Variants in SKA1 observed in about 807,000 individuals in gnomAD.
SKA1 encodes the protein SKA complex subunit 1.
In SKA1, 20 loss-of-function variants were observed where a neutral mutation model predicts 31.8. The observed-to-expected ratio is 0.63, with a 90% CI of 0.44 to 0.91. The LOEUF (loss-of-function observed/expected upper bound fraction) is 0.91. Among genes scored for constraint, SKA1 ranks in the 40% least tolerant of loss-of-function variants. SKA1 has a pLI of 0.00. For missense variants in SKA1, 253 were observed against 298.2 expected, an observed-to-expected ratio of 0.85 and a Z score of 1.12; for synonymous variants, 88 against 100.5, an observed-to-expected ratio of 0.88 and a Z score of 0.74.
intron 4 of SKA1, among the ~76,000 whole-genome samples, chr18:50,384,383 G>A (rs534230416): frequency 1.1e-3 from 174 of 152,174 alleles, no homozygotes; most frequent in African/African-American, 4.0e-3. Context: ...TGGCAGTTAA[G>A]GAACCTAGAA....
chr18:50,386,446 A>G (rs1191971015), intron 5 of SKA1, among the ~76,000 whole-genome samples: 2 of 152,186 alleles, frequency 1.3e-5, no homozygotes, highest in Admixed American at 1.3e-4. Flanking sequence ...ATTTACAGAA[A>G]AATTGAGCAG....
At chr18:50,384,823 A>G (rs914312281) in intron 4 of SKA1, among the ~76,000 whole-genome samples, 1 of 122,714 alleles carries the variant, frequency 8.1e-6, no homozygotes, top group Admixed American at 8.1e-5. Context: ...AACCTGCACA[A>G]TGTGCACATG....
At chr18:50,376,168 A>G (rs2041213984) in intron 2 of SKA1, among the ~76,000 whole-genome samples, 1 of 152,240 alleles carries the variant, frequency 6.6e-6, no homozygotes, top group Non-Finnish European at 1.5e-5. Context: ...ACATAGGCCA[A>G]TGGTGAGATT....
chr18:50,388,862 C>T (rs2041332692), intron 5 of SKA1, among the ~76,000 whole-genome samples: 1 of 152,028 alleles, frequency 6.6e-6, no homozygotes, highest in Non-Finnish European at 1.5e-5. Context: ...GGAAGTAAAA[C>T]TCATGGAAGT....
intron 1 of SKA1, among the ~76,000 whole-genome samples, chr18:50,375,472 ATTTTTAAAAAATGTG>A: frequency 6.6e-6 from 1 of 152,342 alleles, no homozygotes; most frequent in East Asian, 1.9e-4. Flanking sequence ...AGTGTAACAC[ATTTTTAAAAAATGTG>A]TCCTTATTTT....
At chr18:50,384,896 A>G (rs2041294413) in intron 4 of SKA1, among the ~76,000 whole-genome samples, 2 of 131,684 alleles carry the variant, frequency 1.5e-5, no homozygotes, top group African/African-American at 7.6e-5. Flanking sequence ...AAAAAGGAAA[A>G]AAAAAAAAAA....
chr18:50,391,406 A>C lies in SKA1; in HGVS notation c.619+113A>C, dbSNP rs77575048. On this transcript the variant is annotated intron_variant, in intron 6 of 6. Coordinates refer to ENST00000285116, the MANE Select transcript of SKA1 (RefSeq NM_145060.4). ...AAATCTAGAGTGTTAATTCCCAACCAGGAGCAGTTATCCTACCAGGAGACA... is the reference window on the plus strand; with the variant it reads ...AAATCTAGAGTGTTAATTCCCAACCCGGAGCAGTTATCCTACCAGGAGACA... The C allele has an allele frequency of 2.1e-3, 2,199 of 1,059,542 alleles. 71 individuals carry two copies. In the East Asian group the frequency reaches 0.061, roughly 29 times the overall value. 65.6% of individuals were successfully genotyped at this position (1,059,542 alleles called of 1,614,324 possible).
intron 2 of SKA1, among the ~76,000 whole-genome samples, chr18:50,378,117 A>G (rs189060283): frequency 1.8e-4 from 28 of 152,342 alleles, no homozygotes; most frequent in African/African-American, 5.8e-4. Context: ...TAGATGTTTA[A>G]TAATGAGTCT....
intron 5 of SKA1, among the ~76,000 whole-genome samples, chr18:50,388,434 T>G (rs2041328543): frequency 6.6e-6 from 1 of 152,210 alleles, no homozygotes; most frequent in South Asian, 2.1e-4. Flanking sequence ...TTGGGTTTCC[T>G]TAGAAATTTT....
At position 50,384,335 on chromosome 18, in the gene SKA1, G is replaced by A. The variant is rs148296252; in HGVS notation, c.312-881G>A. Among the ~76,000 whole-genome samples, 478 of 152,122 alleles carry A rather than the reference G, an allele frequency of 3.1e-3. 7 individuals carry two copies. Among genetic ancestry groups the A allele is most frequent in the African/African-American group, 0.01 (420 of 41,470 alleles). The stretch of plus-strand genomic sequence containing the variant: ...CCTACTGTTTCTTATATCTGGTGTC[G>A]TCTTTCCTATGTCTTGACTTGCTGC... On this transcript the variant is annotated intron_variant, in intron 4 of 6. Transcript: ENST00000285116.
intron 5 of SKA1, among the ~76,000 whole-genome samples, chr18:50,388,942 C>A (rs2041333356): frequency 6.6e-6 from 1 of 152,128 alleles, no homozygotes; most frequent in Non-Finnish European, 1.5e-5. Context: ...TGAGCCTTAG[C>A]AGTTTGTCCG....
intron 2 of SKA1, among the ~76,000 whole-genome samples, chr18:50,377,875 A>G (rs2041232921): frequency 6.6e-6 from 1 of 151,762 alleles, no homozygotes; most frequent in South Asian, 2.1e-4. Flanking sequence ...TACATTTTAC[A>G]GTTTATGGTT....
At chr18:50,390,078 G>A (rs2041344549) in intron 5 of SKA1, among the ~76,000 whole-genome samples, 1 of 152,188 alleles carries the variant, frequency 6.6e-6, no homozygotes, top group Non-Finnish European at 1.5e-5. Context: ...AGGAAATCAA[G>A]GTGGTAGTTG....
At chr18:50,388,866 T>C (rs903624062) in intron 5 of SKA1, among the ~76,000 whole-genome samples, 2 of 151,964 alleles carry the variant, frequency 1.3e-5, no homozygotes, top group Non-Finnish European at 2.9e-5. Context: ...GTAAAACTCA[T>C]GGAAGTATGG....
In SKA1 at chr18:50,393,288, C is replaced by T. The variant is rs1050157354; in HGVS notation, c.*1041C>T. On this transcript the variant is annotated 3_prime_UTR_variant, in exon 7 of 7. Coordinates refer to ENST00000285116, the MANE Select transcript of SKA1 (RefSeq NM_145060.4). ...TCGTGCCACTGCACTCCAGTCTGGG[C>T]AACAGAGCGAGACTCCATCTCAGAA... The T allele has an allele frequency of 3.0e-4, 45 of 152,490 alleles. No individual in the cohort carries two copies. The highest frequency in any genetic ancestry group is 1.0e-3 in the African/African-American group (43 of 41,496). The allele number at this position is 152,490 out of a possible 1,614,324, so 9.4% of individuals were successfully genotyped here. A position where few individuals can be genotyped will look rare whatever the true frequency, so the allele number is the denominator to read the frequency against.
At chr18:50,385,557 T>G (rs1292788373) in intron 5 of SKA1, among the ~76,000 whole-genome samples, 2 of 152,228 alleles carry the variant, frequency 1.3e-5, no homozygotes, top group African/African-American at 2.4e-5. Flanking sequence ...TAGAGATGGA[T>G]CAATTCATTG....
chr18:50,392,352 C>CT lies in SKA1; in HGVS notation c.*119dup, dbSNP rs375763517. On this transcript the variant is annotated 3_prime_UTR_variant, in exon 7 of 7. Coordinates refer to ENST00000285116, the MANE Select transcript of SKA1 (RefSeq NM_145060.4). ...TTTAACTTTTAATCTTTTTTGTTTC[C>CT]TTTTTTTTTTTTTTGAGACAGGATC... is the stretch of plus-strand genomic sequence containing the variant. The CT allele has an allele frequency of 0.087, 49,086 of 562,898 alleles. 6 individuals are homozygous for CT. The highest frequency in any genetic ancestry group is 0.099 in the Middle Eastern group (172 of 1,742). 34.9% of individuals were successfully genotyped at this position (562,898 alleles called of 1,614,324 possible). A position where few individuals can be genotyped will look rare whatever the true frequency, so the allele number is the denominator to read the frequency against.
intron 5 of SKA1, among the ~76,000 whole-genome samples, chr18:50,386,915 T>G (rs2149322164): frequency 6.6e-6 from 1 of 152,362 alleles, no homozygotes; most frequent in Non-Finnish European, 1.5e-5. Context: ...TTGGTTTGTT[T>G]ATTCATTCAC....
chr18:50,386,088 C>T (rs2041305162), intron 5 of SKA1, among the ~76,000 whole-genome samples: 1 of 152,116 alleles, frequency 6.6e-6, no homozygotes, highest in South Asian at 2.1e-4. Flanking sequence ...ACAGGTATTT[C>T]TTATACCTGT....
Sources: gnomAD v4.1 joint callset for allele counts (sites outside exome capture counted in the v4.1 genomes callset) on GRCh38, gnomAD v4.1.1 for gene constraint, MANE v1.5 for transcripts, NCBI Gene and HGNC (gene_info 2026-07-23, HGNC 2026-07-21) for gene names.